Variants in STAT4 observed in about 807,000 individuals in gnomAD.
The protein encoded by STAT4 is signal transducer and activator of transcription 4.
STAT4 carries 42 observed loss-of-function variants against 110.5 expected under a neutral mutation model. The ratio of observed to expected loss-of-function variants is 0.38; its 90% CI spans 0.30 to 0.49. The LOEUF (loss-of-function observed/expected upper bound fraction) is 0.49, where lower values mean the gene tolerates loss of function less well. Ranked by LOEUF, STAT4 falls within the 20% of genes least tolerant of loss-of-function variation. The pLI is 0.95. For missense variants in STAT4, 632 were observed against 887.9 expected, an observed-to-expected ratio of 0.71 and a Z score of 3.66; for synonymous variants, 284 against 302.2, an observed-to-expected ratio of 0.94 and a Z score of 0.63.
intron 3 of STAT4, chr2:191,131,863 C>G: frequency 1.4e-6 from 2 of 1,460,540 alleles, no homozygotes; most frequent in Non-Finnish European, 1.8e-6. Context: ...TTCTCCATGT[C>G]GATCCAAGGG....
At chr2:191,111,655 C>A (rs1438685900) in intron 3 of STAT4, among the ~76,000 whole-genome samples, 1 of 152,150 alleles carries the variant, frequency 6.6e-6, no homozygotes, top group African/African-American at 2.4e-5. Context: ...GAGTTAGAGA[C>A]CAGCCTGGGC....
At chr2:191,095,874 C>A (rs115747703) in intron 3 of STAT4, among the ~76,000 whole-genome samples, 2 of 151,406 alleles carry the variant, frequency 1.3e-5, no homozygotes, top group African/African-American at 4.9e-5. Flanking sequence ...ATTGCTAGCA[C>A]GACAAATATA....
At chr2:191,054,207 A>AT (rs1383760322) in intron 14 of STAT4, among the ~76,000 whole-genome samples, 2 of 133,276 alleles carry the variant, frequency 1.5e-5, no homozygotes, top group Non-Finnish European at 3.2e-5. Context: ...AGTATCATAT[A>AT]TTTTTAAAGT....
At chr2:191,074,077 C>T (rs1042348273) in intron 4 of STAT4, among the ~76,000 whole-genome samples, 9 of 152,074 alleles carry the variant, frequency 5.9e-5, no homozygotes, top group African/African-American at 2.2e-4. Flanking sequence ...TTTGTTTTTA[C>T]TTTAGAACAA....
intron 14 of STAT4, among the ~76,000 whole-genome samples, chr2:191,049,352 T>A (rs1481582700): frequency 6.6e-6 from 1 of 151,788 alleles, no homozygotes; most frequent in Non-Finnish European, 1.5e-5. Flanking sequence ...ATTTTTTGTA[T>A]TTTTTAGTAG....
At chr2:191,098,354 G>C (rs1417310026) in intron 3 of STAT4, among the ~76,000 whole-genome samples, 1 of 152,116 alleles carries the variant, frequency 6.6e-6, no homozygotes, top group Non-Finnish European at 1.5e-5. Context: ...CAAAAACTTG[G>C]AACCAACCCA....
At chr2:191,148,027 C>T in intron 2 of STAT4, 49 bp downstream of exon 2, 1 of 1,610,572 alleles carries the variant, frequency 6.2e-7, no homozygotes. Flanking sequence ...ATGGATAGAG[C>T]ATCAGACATT....
At position 191,082,080 on chromosome 2, in the gene STAT4, G is replaced by A. The variant is rs890408462; in HGVS notation, c.274-5755C>T. Among the ~76,000 whole-genome samples, 3 of 152,038 alleles carry A rather than the reference G, an allele frequency of 2.0e-5. No homozygotes were observed. Among genetic ancestry groups the A allele is most frequent in the African/African-American group, 7.3e-5 (3 of 41,378 alleles). On this transcript the variant is annotated intron_variant, in intron 3 of 23. Coordinates refer to ENST00000392320, the MANE Select transcript of STAT4 (RefSeq NM_003151.4). This position sits in a 1 kb window ranked among gnomAD's most constrained non-coding sequence, Gnocchi z 4.7. The stretch of plus-strand genomic sequence containing the variant: ...TTCTTTCATCTATTATGAGGAATTT[G>A]GCAATTTCTCTTGCCACTGTTGCTT...
At chr2:191,054,989 A>T (rs2125208432) in intron 13 of STAT4, among the ~76,000 whole-genome samples, 1 of 152,310 alleles carries the variant, frequency 6.6e-6, no homozygotes, top group East Asian at 1.9e-4. Context: ...CAGGGGAAGA[A>T]GACTTACTGA....
chr2:191,127,840 C>T (rs1698921968), intron 3 of STAT4, among the ~76,000 whole-genome samples: 1 of 152,124 alleles, frequency 6.6e-6, no homozygotes, highest in East Asian at 1.9e-4. Context: ...GTCATGGACT[C>T]GAGTACTAAA....
Position 191,117,410 on chromosome 2 carries a change from T to C in STAT4, c.273+29203A>G, listed in dbSNP as rs1188817001. Among the ~76,000 whole-genome samples, 5 of 152,228 alleles carry C rather than the reference T, an allele frequency of 3.3e-5. No individual in the cohort carries two copies. Among genetic ancestry groups the C allele is most frequent in the African/African-American group, 7.2e-5 (3 of 41,468 alleles). ...TATTGCATGATTATCTTCCAGAACA[T>C]CCTCGGGCATTTCTTCTTGTCCTAA... On this transcript the variant is annotated intron_variant, in intron 3 of 23. Coordinates refer to ENST00000392320, the MANE Select transcript of STAT4 (RefSeq NM_003151.4). The surrounding 1 kb of genome is among the most constrained non-coding windows in gnomAD (Gnocchi z 5.2).
Position 191,077,218 on chromosome 2 carries a change from A to G in STAT4, c.274-893T>C, listed in dbSNP as rs1254394465. On this transcript the variant is annotated intron_variant, in intron 3 of 23. Coordinates refer to ENST00000392320, the MANE Select transcript of STAT4 (RefSeq NM_003151.4). This position sits in a 1 kb window ranked among gnomAD's most constrained non-coding sequence, Gnocchi z 4.1. The stretch of plus-strand genomic sequence containing the variant: ...AATTCAGCCATCAGTTACTTGGTGC[A>G]AATTAAAATACTGGAATCCCTTTGG... Among the ~76,000 whole-genome samples, 1 of 152,234 alleles carries G rather than the reference A, an allele frequency of 6.6e-6. No homozygotes were observed. Among genetic ancestry groups the G allele is most frequent in the African/African-American group, 2.4e-5 (1 of 41,460 alleles).
chr2:191,049,742 CAT>C (rs1333137774), intron 14 of STAT4, among the ~76,000 whole-genome samples: 1 of 152,180 alleles, frequency 6.6e-6, no homozygotes, highest in Non-Finnish European at 1.5e-5. Context: ...GGTCTAATCA[CAT>C]GAGAGATAGC....
Position 191,140,315 on chromosome 2 carries a change from A to G in STAT4, c.273+6298T>C, listed in dbSNP as rs1294172913. Among the ~76,000 whole-genome samples the G allele has an allele frequency of 1.3e-5, 2 of 152,260 alleles. No individual in the cohort carries two copies. Among genetic ancestry groups the G allele is most frequent in the Non-Finnish European group, 2.9e-5 (2 of 68,044 alleles). ...TCAGCCAAGTAAACAGACAACCCAC[A>G]GCGTGGGAGAAAATATTTGCAAGCT... On this transcript the variant is annotated intron_variant, in intron 3 of 23. Coordinates refer to ENST00000392320, the MANE Select transcript of STAT4 (RefSeq NM_003151.4). The surrounding 1 kb of genome is among the most constrained non-coding windows in gnomAD (Gnocchi z 4.4).
At chr2:191,054,363 T>G (rs1244615483) in intron 14 of STAT4, 127 bp downstream of exon 14, 1 of 777,692 alleles carries the variant, frequency 1.3e-6, no homozygotes, top group Non-Finnish European at 2.0e-6. Context: ...TTATCAAGCT[T>G]TACATCTATA....
rs1698083989 is a variant in STAT4, at chr2:191,099,013, G to C, written c.274-22688C>G. 1.3e-5 allele frequency among the ~76,000 whole-genome samples: 2 copies of C among 151,658 alleles called. No homozygotes were observed. The highest frequency in any genetic ancestry group is 4.2e-4 in the South Asian group (2 of 4,814). On this transcript the variant is annotated intron_variant, in intron 3 of 23. Coordinates refer to ENST00000392320, the MANE Select transcript of STAT4 (RefSeq NM_003151.4). This position sits in a 1 kb window ranked among gnomAD's most constrained non-coding sequence, Gnocchi z 4.1. ...TAAGTAATATTTTTAATGTAGATAA[G>C]AGCCCTTTGAAATTGATTTAAAATG...
Position 191,050,404 on chromosome 2 carries a change from C to T in STAT4, c.1251+4086G>A, listed in dbSNP as rs1245111860. On this transcript the variant is annotated intron_variant, in intron 14 of 23. Coordinates refer to ENST00000392320, the MANE Select transcript of STAT4 (RefSeq NM_003151.4). This position sits in a 1 kb window ranked among gnomAD's most constrained non-coding sequence, Gnocchi z 4.3. The stretch of plus-strand genomic sequence containing the variant: ...AGAGTGGAGAGAAAGGCAGTGATTG[C>T]TAAAGTTGATTTTATGATAGCGTGT... Among the ~76,000 whole-genome samples, 1 of 152,126 alleles carries T rather than the reference C, an allele frequency of 6.6e-6. No individual in the cohort carries two copies. The highest frequency in any genetic ancestry group is 6.5e-5 in the Admixed American group (1 of 15,278).
At chr2:191,106,009 G>A (rs1177702412) in intron 3 of STAT4, among the ~76,000 whole-genome samples, 1 of 152,166 alleles carries the variant, frequency 6.6e-6, no homozygotes, top group Non-Finnish European at 1.5e-5. Flanking sequence ...AAAGAACAGG[G>A]GCTGAAGAGG....
chr2:191,123,048 AAAAT>A (rs1292934064), intron 3 of STAT4, among the ~76,000 whole-genome samples: 2 of 152,138 alleles, frequency 1.3e-5, no homozygotes, highest in East Asian at 3.9e-4. Flanking sequence ...GCCTTGTATT[AAAAT>A]ATGACATAAT....
Sources: allele counts gnomAD v4.1 joint callset (sites outside exome capture counted in the v4.1 genomes callset), GRCh38; gene constraint gnomAD v4.1.1; non-coding constraint Gnocchi (gnomAD v3.1); transcripts MANE v1.5; gene names NCBI Gene and HGNC (gene_info 2026-07-23, HGNC 2026-07-21).